LZIC: variants seen among roughly 807,000 people sequenced by gnomAD.
LZIC encodes protein LZIC.
Under a neutral mutation model 25.4 loss-of-function variants are expected in LZIC, and 28 were observed. The observed-to-expected ratio is 1.10, with a 90% CI of 0.82 to 1.51. The LOEUF is 1.51. Among genes scored for constraint, LZIC ranks in the 40% most tolerant of loss-of-function variants. The probability of loss-of-function intolerance (pLI) is 0.00; values close to 1 mark genes in which losing one functional copy is unlikely to be tolerated. For synonymous variants in LZIC, 65 were observed against 70.7 expected, an observed-to-expected ratio of 0.92 and a Z score of 0.40; for missense variants, 170 against 211.1, an observed-to-expected ratio of 0.81 and a Z score of 1.21.
intron 2 of LZIC, among the ~76,000 whole-genome samples, chr1:9,939,802 G>C (rs1287799696): frequency 6.6e-6 from 1 of 151,996 alleles, no homozygotes; most frequent in Non-Finnish European, 1.5e-5. Context: ...TTAACAATCA[G>C]TATGTCAAGT....
At chr1:9,930,775 A>G (rs1199905881) in intron 7 of LZIC, among the ~76,000 whole-genome samples, 1 of 152,098 alleles carries the variant, frequency 6.6e-6, no homozygotes, top group Non-Finnish European at 1.5e-5. Context: ...GCTGGAGTGC[A>G]GTGGTGCGAT....
At chr1:9,938,562 G>A (rs796603502) in intron 2 of LZIC, among the ~76,000 whole-genome samples, 6 of 152,228 alleles carry the variant, frequency 3.9e-5, no homozygotes, top group African/African-American at 1.2e-4. Flanking sequence ...CAAAGCCTTT[G>A]GCTTTTTTGA....
chr1:9,933,819 C>T (rs1376855722), intron 5 of LZIC, among the ~76,000 whole-genome samples: 6 of 151,758 alleles, frequency 4.0e-5, no homozygotes, highest in South Asian at 2.1e-4. Context: ...AGATGGGAGA[C>T]GCTTGAGCCC....
intron 7 of LZIC, among the ~76,000 whole-genome samples, 158 bp from the exon 8 acceptor site, chr1:9,930,615 C>A (rs887060216): frequency 1.3e-5 from 2 of 152,060 alleles, no homozygotes; most frequent in Non-Finnish European, 2.9e-5. Context: ...CATTGCCATC[C>A]CAATTTCCTT....
chr1:9,924,596 C>T (rs1303980123), downstream of LZIC, among the ~76,000 whole-genome samples: 1 of 152,060 alleles, frequency 6.6e-6, no homozygotes, highest in Non-Finnish European at 1.5e-5. Context: ...CCTTGTGATC[C>T]GCCCACCTCC....
At chr1:9,934,263 C>T (rs1158610447) in intron 5 of LZIC, among the ~76,000 whole-genome samples, 1 of 151,856 alleles carries the variant, frequency 6.6e-6, no homozygotes, top group Non-Finnish European at 1.5e-5. Flanking sequence ...TTGTCACATA[C>T]CTCAGTAGTG....
intron 7 of LZIC, 77 bp downstream of exon 7, chr1:9,931,814 A>G (rs1640223761): frequency 7.5e-6 from 7 of 931,196 alleles, no homozygotes; most frequent in Middle Eastern, 2.2e-4. Flanking sequence ...TGTTATTTCA[A>G]CCACACTCTC....
chr1:9,924,116 G>A (rs1200178419), downstream of LZIC, among the ~76,000 whole-genome samples: 2 of 151,922 alleles, frequency 1.3e-5, no homozygotes, highest in African/African-American at 4.8e-5. Context: ...TCGAACTCCT[G>A]ATCTCGTGAT....
At chr1:9,943,088 A>C (rs979048791) in intron 1 of LZIC, 161 bp downstream of exon 1, 3 of 215,712 alleles carry the variant, frequency 1.4e-5, no homozygotes, top group African/African-American at 6.7e-5. Flanking sequence ...AACCAACAGG[A>C]CTGGGTGAAG....
chr1:9,934,227 C>CA (rs5772390), intron 5 of LZIC, among the ~76,000 whole-genome samples: 10,780 of 119,046 alleles, frequency 0.091, 481 homozygotes, highest in South Asian at 0.15. Flanking sequence ...GACCCCATCT[C>CA]AAAAAAAAAA....
intron 1 of LZIC, 81 bp from the exon 2 acceptor site, chr1:9,942,863 T>G (rs1220423): frequency 0.019 from 7,744 of 412,348 alleles, 116 homozygotes; most frequent in Middle Eastern, 0.03. Flanking sequence ...TAACTTCCAC[T>G]TGAGCAGCCT....
At chr1:9,930,500 T>C in intron 7 of LZIC, 43 bp from the exon 8 acceptor site, 1 of 1,607,124 alleles carries the variant, frequency 6.2e-7, no homozygotes, top group East Asian at 2.2e-5. Context: ...TTATTTCAAG[T>C]GCAGTTGCAA....
Position 9,940,127 on chromosome 1 carries a change from A to C in LZIC, c.-9+2497T>G, listed in dbSNP as rs545668490. Among the ~76,000 whole-genome samples, 8 of 147,062 alleles carry C rather than the reference A, an allele frequency of 5.4e-5. No individual in the cohort carries two copies. In the South Asian group the frequency reaches 6.2e-4, roughly 11 times the overall value. The stretch of plus-strand genomic sequence containing the variant: ...GAGTGAGACTCCTACTCAAAAAAAA[A>C]CAAAAAACAAAAAACAAACCACAAA... On this transcript the variant is annotated intron_variant, in intron 2 of 7. Coordinates refer to ENST00000377223, the MANE Select transcript of LZIC (RefSeq NM_032368.5).
At chr1:9,941,777 G>A (rs1016291026) in intron 2 of LZIC, among the ~76,000 whole-genome samples, 2 of 152,082 alleles carry the variant, frequency 1.3e-5, no homozygotes, top group Admixed American at 1.3e-4. Flanking sequence ...GATTACAGGC[G>A]TGAGCCACCG....
At chr1:9,924,504 G>A (rs1316767528), downstream of LZIC, among the ~76,000 whole-genome samples, 3 of 152,120 alleles carry the variant, frequency 2.0e-5, no homozygotes, top group African/African-American at 7.2e-5. Flanking sequence ...ACAGGCGCAT[G>A]CCACCATGCC....
At chr1:9,940,076 G>A (rs936466792) in intron 2 of LZIC, among the ~76,000 whole-genome samples, 1 of 151,766 alleles carries the variant, frequency 6.6e-6, no homozygotes, top group African/African-American at 2.4e-5. Flanking sequence ...CTGAGATTGT[G>A]ACACTGCACT....
At chr1:9,937,740 C>T (rs536891484) in intron 2 of LZIC, among the ~76,000 whole-genome samples, 2 of 147,638 alleles carry the variant, frequency 1.4e-5, no homozygotes, top group Non-Finnish European at 1.5e-5. Context: ...CCCACCTACT[C>T]AGGAGGCTTA....
In LZIC at chr1:9,936,565, GTTC is replaced by G. The variant is rs1640467264; in HGVS notation, c.52_54del (p.Glu18del). 1.2e-6 allele frequency: 2 copies of G among 1,613,628 alleles called. No homozygotes were observed. Among genetic ancestry groups the G allele is most frequent in the Non-Finnish European group, 1.7e-6 (2 of 1,179,640 alleles). On this transcript the variant is annotated inframe_deletion, in exon 3 of 8. Coordinates refer to ENST00000377223, the MANE Select transcript of LZIC (RefSeq NM_032368.5). The stretch of plus-strand genomic sequence containing the variant: ...AATTGTTGCATGAGTCTATCCAACT[GTTC>G]TTCTAAATTCTGCTTTAATTTGCTT...
rs542810040 is a variant in LZIC at position 9,930,477 on chromosome 1, A to G, written c.515-20T>C. 1.0e-4 allele frequency: 167 copies of G among 1,612,096 alleles called. 3 individuals carry two copies. The South Asian group carries it at 1.7e-3, about 16-fold the overall frequency. ...CAGAGCCTAAGAAAAAAGACACATA[A>G]TAAACAAAAAGATTATTTCAAGTGC... On this transcript the variant is annotated intron_variant, in intron 7 of 7. Transcript: ENST00000377223.
Sources: gnomAD v4.1 joint callset for allele counts (sites outside exome capture counted in the v4.1 genomes callset) on GRCh38, gnomAD v4.1.1 for gene constraint, MANE v1.5 for transcripts, NCBI Gene and HGNC (gene_info 2026-07-23, HGNC 2026-07-21) for gene names.